RDX: variants seen among roughly 807,000 people sequenced by gnomAD.
RDX encodes the protein deafness, autosomal recessive 24.
RDX carries 32 observed loss-of-function variants against 83.7 expected under a neutral mutation model. That is an observed-to-expected ratio of 0.38 (90% confidence interval 0.29 to 0.51). RDX has a LOEUF of 0.51. RDX is among the 20% of genes least tolerant of loss of function. The pLI is 0.87. For synonymous variants in RDX, 229 were observed against 222.7 expected (o/e 1.03, Z -0.25); for missense variants, 600 against 689.9 (o/e 0.87, Z 1.46).
intron 14 of RDX, among the ~76,000 whole-genome samples, chr11:110,217,966 C>T (rs1864116032): frequency 6.6e-6 from 1 of 152,160 alleles, no homozygotes; most frequent in Non-Finnish European, 1.5e-5. Flanking sequence ...CAGAGCCTAA[C>T]TTGAGGCATC....
intron 1 of RDX, among the ~76,000 whole-genome samples, chr11:110,285,971 CAA>C (rs532099691): frequency 1.3e-3 from 197 of 151,924 alleles, no homozygotes; most frequent in Non-Finnish European, 2.2e-3. Context: ...CATTATATAT[CAA>C]AGACACATAT....
chr11:110,292,827 T>C (rs2134457223), intron 1 of RDX, among the ~76,000 whole-genome samples: 1 of 152,300 alleles, frequency 6.6e-6, no homozygotes, highest in South Asian at 2.1e-4. Flanking sequence ...CAACAGGATG[T>C]TTTTTCTAAG....
intron 5 of RDX, among the ~76,000 whole-genome samples, chr11:110,262,463 T>C (rs897233219): frequency 4.6e-5 from 7 of 152,050 alleles, no homozygotes; most frequent in Non-Finnish European, 8.8e-5. Context: ...TGTGTGCCTG[T>C]AATCCCAGCT....
chr11:110,283,397 G>C (rs974461804), intron 1 of RDX, among the ~76,000 whole-genome samples: 3 of 152,122 alleles, frequency 2.0e-5, no homozygotes, highest in African/African-American at 7.2e-5. Context: ...CAGGTAATCT[G>C]CCTGCTTCGG....
chr11:110,211,090 G>A (rs2134255902), intron 14 of RDX, among the ~76,000 whole-genome samples: 1 of 152,272 alleles, frequency 6.6e-6, no homozygotes, highest in Admixed American at 6.5e-5. Context: ...CTGTATCCAG[G>A]AAACCCAACT....
chr11:110,204,645 T>C (rs1016319627), intron 14 of RDX, among the ~76,000 whole-genome samples: 68 of 151,398 alleles, frequency 4.5e-4, no homozygotes, highest in African/African-American at 1.6e-3. Context: ...GCCTCCCGAG[T>C]AGCTGCGATT....
chr11:110,229,420 GT>G (rs1393084930), downstream of RDX: 1 of 152,354 alleles, frequency 6.6e-6, no homozygotes, highest in Non-Finnish European at 1.5e-5. Context: ...AAAAATCCAT[GT>G]TAAATAACAA....
At chr11:110,254,219 T>C (rs935463599) in intron 8 of RDX, 110 bp from the exon 9 acceptor site, 9 of 868,742 alleles carry the variant, frequency 1.0e-5, no homozygotes, top group Non-Finnish European at 1.6e-5. Flanking sequence ...ATATTACATA[T>C]AGTTTAGAAA....
In RDX at chr11:110,272,623, TAATAAA is replaced by T; in HGVS notation, c.13-10_13-5del. Reference sequence around the variant, plus strand: ...TTGTAGTTACTCTTACGTTGATCTGTAATAAAAATAAAAGGAATAATAAGTAGAAGA... The same window carrying T: ...TTGTAGTTACTCTTACGTTGATCTGTAATAAAAGGAATAATAAGTAGAAGA... On this transcript the variant is annotated splice_polypyrimidine_tract_variant and splice_region_variant and intron_variant, in intron 2 of 13. Transcript: ENST00000645495. 1 of 1,594,522 alleles carries T rather than the reference TAATAAA, an allele frequency of 6.3e-7. No individual in the cohort carries two copies. The highest frequency in any genetic ancestry group is 8.6e-7 in the Non-Finnish European group (1 of 1,165,154).
chr11:110,264,983 T>C (rs1323559532), intron 3 of RDX, 109 bp from the exon 4 acceptor site: 4 of 696,668 alleles, frequency 5.7e-6, no homozygotes, highest in Non-Finnish European at 9.8e-6. Flanking sequence ...TATACGTATA[T>C]TCCTTTGCCA....
rs1242850133 is a variant in RDX, at chr11:110,231,158, CA to C, written c.*710del. 6.6e-6 allele frequency: 1 copy of C among 152,252 alleles called. No homozygotes were observed. The highest frequency in any genetic ancestry group is 1.5e-5 in the Non-Finnish European group (1 of 68,104). 9.4% of individuals were successfully genotyped at this position (152,252 alleles called of 1,614,324 possible). ...GGCAAAAAAAGCCATCAAAGGATCA[CA>C]GGAGATAAAACACCAATCAGTGTAA... On this transcript the variant is annotated 3_prime_UTR_variant, in exon 14 of 14. Coordinates refer to ENST00000645495, the MANE Select transcript of RDX (RefSeq NM_002906.4).
At chr11:110,216,434 G>A (rs1039586330) in intron 14 of RDX, among the ~76,000 whole-genome samples, 1 of 151,282 alleles carries the variant, frequency 6.6e-6, no homozygotes, top group Non-Finnish European at 1.5e-5. Context: ...GTGCAGTGGC[G>A]CAAACACAGC....
At position 110,272,786 on chromosome 11, in the gene RDX, T is replaced by C. The variant is rs527822569; in HGVS notation, c.13-167A>G. The C allele has an allele frequency of 9.8e-6, 6 of 612,770 alleles. No individual in the cohort carries two copies. In the Admixed American group the frequency reaches 1.1e-4, roughly 11 times the overall value. The allele number at this position is 612,770 out of a possible 1,614,324, so 38.0% of individuals were successfully genotyped here. ...TAAAGTCCTCATTTAGGAACATCTATTGAATACTTAACATATACTGGGCAC... is the reference window on the plus strand; with the variant it reads ...TAAAGTCCTCATTTAGGAACATCTACTGAATACTTAACATATACTGGGCAC... On this transcript the variant is annotated intron_variant, in intron 2 of 13. Transcript: ENST00000645495.
Position 110,198,065 on chromosome 11 carries a change from T to A in RDX, c.*31+1516A>T, listed in dbSNP as rs556622167. On this transcript the variant is annotated intron_variant, in intron 15 of 15. Coordinates refer to the RDX transcript ENST00000528498. ...CACCTTAAATGAACACATGTGACCA[T>A]TTTTTTGTCACATAAATAAGTCTAA... Among the ~76,000 whole-genome samples, 45 of 152,268 alleles carry A rather than the reference T, an allele frequency of 3.0e-4. 1 individual carries two copies. In the South Asian group the frequency reaches 4.8e-3, roughly 16 times the overall value.
chr11:110,256,449 T>C (rs7121215), intron 7 of RDX, among the ~76,000 whole-genome samples: 3,506 of 152,300 alleles, frequency 0.023, 123 homozygotes, highest in African/African-American at 0.078. Flanking sequence ...ATATGCTACT[T>C]TGAAAAATTC....
intron 15 of RDX, among the ~76,000 whole-genome samples, chr11:110,193,438 C>G (rs1863140719): frequency 6.6e-6 from 1 of 152,118 alleles, no homozygotes; most frequent in Non-Finnish European, 1.5e-5. Flanking sequence ...ACCCGGGTGA[C>G]AGGATCATTC....
At chr11:110,257,717 AT>A in intron 7 of RDX, 49 bp downstream of exon 7, 1 of 1,591,704 alleles carries the variant, frequency 6.3e-7, no homozygotes, top group Non-Finnish European at 8.6e-7. Flanking sequence ...GATTAACGTC[AT>A]TTAGACCACT....
rs903592064 is a variant in RDX at position 110,230,502 on chromosome 11, G to T, written c.*1367C>A. The T allele has an allele frequency of 6.6e-6, 1 of 151,884 alleles. No homozygotes were observed. The highest frequency in any genetic ancestry group is 1.5e-5 in the Non-Finnish European group (1 of 67,936). 9.4% of individuals were successfully genotyped at this position (151,884 alleles called of 1,614,324 possible). ...TCTAGAAACCAAATATACTGATTAT[G>T]TAACTATCGTATCAAGGTACAGACA... On this transcript the variant is annotated 3_prime_UTR_variant, in exon 14 of 14. Coordinates refer to ENST00000645495, the MANE Select transcript of RDX (RefSeq NM_002906.4).
intron 12 of RDX, among the ~76,000 whole-genome samples, chr11:110,235,865 C>T (rs1352695465): frequency 6.6e-6 from 1 of 152,210 alleles, no homozygotes; most frequent in East Asian, 1.9e-4. Context: ...CAAGACCCAG[C>T]TTAAATGTAT....
Sources: gnomAD v4.1 joint callset for allele counts (sites outside exome capture counted in the v4.1 genomes callset) on GRCh38, gnomAD v4.1.1 for gene constraint, MANE v1.5 for transcripts, NCBI Gene and HGNC (gene_info 2026-07-23, HGNC 2026-07-21) for gene names.